Variants in CSMD1 observed in about 807,000 individuals in gnomAD.
CSMD1 encodes the protein CUB and sushi domain-containing protein 1.
In CSMD1, 213 loss-of-function variants were observed where a neutral mutation model predicts 417.5. The observed-to-expected ratio is 0.51, with a 90% confidence interval of 0.46 to 0.57. The LOEUF is 0.57. Ranked by LOEUF, CSMD1 falls within the 20% of genes least tolerant of loss-of-function variation. The pLI, the probability that CSMD1 is intolerant of heterozygous loss-of-function variation, is 0.00. For missense variants in CSMD1, 6,923 were observed against 4,529.7 expected (o/e 1.53, Z -15.17); for synonymous variants, 2,862 against 1,736.8 (o/e 1.65, Z -16.11).
At chr8:2,973,968 G>C (rs1336741704) in intron 56 of CSMD1, among the ~76,000 whole-genome samples, 2 of 141,354 alleles carry the variant, frequency 1.4e-5, no homozygotes, top group Non-Finnish European at 1.5e-5. Context: ...GATGGTAGAG[G>C]ATGGTGGTAG....
At chr8:4,220,619 A>G (rs757262668) in intron 3 of CSMD1, among the ~76,000 whole-genome samples, 1 of 152,346 alleles carries the variant, frequency 6.6e-6, no homozygotes, top group Non-Finnish European at 1.5e-5. Flanking sequence ...AGGAAGGACC[A>G]GTGGTATATT....
intron 5 of CSMD1, among the ~76,000 whole-genome samples, chr8:3,898,122 A>G (rs535807791): frequency 1.3e-5 from 2 of 152,346 alleles, no homozygotes; most frequent in African/African-American, 2.4e-5. Context: ...ACCATATAGC[A>G]GAGTTTCTAC....
intron 3 of CSMD1, among the ~76,000 whole-genome samples, chr8:4,042,061 G>C (rs1474113983): frequency 6.6e-6 from 1 of 152,120 alleles, no homozygotes; most frequent in Non-Finnish European, 1.5e-5. Context: ...ACACAAGTAT[G>C]TAATTAAACT....
At chr8:3,098,493 G>C (rs761090485) in intron 46 of CSMD1, among the ~76,000 whole-genome samples, 13 of 151,934 alleles carry the variant, frequency 8.6e-5, no homozygotes, top group Non-Finnish European at 1.9e-4. Flanking sequence ...ACATTTCATA[G>C]AACTCTTTAA....
Position 3,070,147 on chromosome 8 carries a change from C to G in CSMD1, c.7474+16950G>C, listed in dbSNP as rs73494484. 8.4e-3 allele frequency among the ~76,000 whole-genome samples: 1,273 copies of G among 152,328 alleles called. 16 individuals are homozygous for G. Among genetic ancestry groups the G allele is most frequent in the African/African-American group, 0.029 (1,199 of 41,586 alleles). Reference sequence around the variant, plus strand: ...AAAATCATCTTCTCCTCCCAGGATTCTAGGTCTCTGATGGGAGGGTCTGCC... The same window carrying G: ...AAAATCATCTTCTCCTCCCAGGATTGTAGGTCTCTGATGGGAGGGTCTGCC... On this transcript the variant is annotated intron_variant, in intron 49 of 69. Transcript: ENST00000635120.
intron 18 of CSMD1, among the ~76,000 whole-genome samples, chr8:3,384,213 GGTT>G: frequency 6.6e-6 from 1 of 151,706 alleles, no homozygotes; most frequent in South Asian, 2.1e-4. Flanking sequence ...TTTAAAAAAT[GGTT>G]GTCTGAGAGA....
intron 23 of CSMD1, among the ~76,000 whole-genome samples, chr8:3,312,188 T>C (rs1394803621): frequency 2.6e-5 from 4 of 152,232 alleles, no homozygotes; most frequent in African/African-American, 4.8e-5. Flanking sequence ...ATATGTTTTA[T>C]TGCTTTTTCT....
At chr8:3,527,329 G>A (rs764992256) in intron 10 of CSMD1, among the ~76,000 whole-genome samples, 7 of 152,072 alleles carry the variant, frequency 4.6e-5, no homozygotes, top group Non-Finnish European at 7.4e-5. Context: ...AAAGGCACTC[G>A]TGCCCTTTCA....
intron 3 of CSMD1, among the ~76,000 whole-genome samples, chr8:4,049,134 C>A (rs908673257): frequency 6.6e-6 from 1 of 152,016 alleles, no homozygotes; most frequent in African/African-American, 2.4e-5. Context: ...TACAGCTATT[C>A]TTTCTTATTC....
intron 3 of CSMD1, among the ~76,000 whole-genome samples, chr8:4,244,130 C>G (rs1369732501): frequency 6.6e-6 from 1 of 152,108 alleles, no homozygotes; most frequent in Non-Finnish European, 1.5e-5. Context: ...ATGAGTTTCG[C>G]GCAGCACAAG....
chr8:3,968,486 C>T (rs141243871), intron 5 of CSMD1, among the ~76,000 whole-genome samples: 78 of 152,280 alleles, frequency 5.1e-4, no homozygotes, highest in African/African-American at 1.9e-3. Context: ...TTAAGTACAT[C>T]TTCCGGATTC....
At chr8:4,903,964 A>G (rs552587283) in intron 1 of CSMD1, among the ~76,000 whole-genome samples, 3 of 152,322 alleles carry the variant, frequency 2.0e-5, no homozygotes, top group Admixed American at 2.0e-4. Flanking sequence ...ATTTAAATAA[A>G]TCTTCTCATA....
chr8:4,785,860 T>A (rs146734717), intron 1 of CSMD1, among the ~76,000 whole-genome samples: 1 of 152,232 alleles, frequency 6.6e-6, no homozygotes, highest in African/African-American at 2.4e-5. Context: ...TTCTTCATGA[T>A]CCTAAGACAC....
chr8:3,389,251 G>T (rs1026407751), intron 17 of CSMD1, among the ~76,000 whole-genome samples: 1 of 151,964 alleles, frequency 6.6e-6, no homozygotes, highest in African/African-American at 2.4e-5. Flanking sequence ...TGTTTTTCCC[G>T]ATCCTCTCCT....
At chr8:4,768,315 G>A (rs1472087263) in intron 1 of CSMD1, among the ~76,000 whole-genome samples, 3 of 151,564 alleles carry the variant, frequency 2.0e-5, no homozygotes, top group Non-Finnish European at 2.9e-5. Flanking sequence ...TCGTATACTC[G>A]CCTATGATCG....
chr8:4,095,124 G>T (rs10107190), intron 3 of CSMD1, among the ~76,000 whole-genome samples: 3 of 152,008 alleles, frequency 2.0e-5, no homozygotes, highest in Non-Finnish European at 4.4e-5. Context: ...GATATGGAAA[G>T]AACTTGGGAG....
At chr8:4,460,213 G>A (rs1799729408) in intron 2 of CSMD1, among the ~76,000 whole-genome samples, 3 of 151,940 alleles carry the variant, frequency 2.0e-5, no homozygotes, top group Non-Finnish European at 4.4e-5. Flanking sequence ...AATAGAATAC[G>A]TGGAAGTTAA....
chr8:3,076,565 G>A (rs370571599), intron 49 of CSMD1, among the ~76,000 whole-genome samples: 4 of 152,184 alleles, frequency 2.6e-5, no homozygotes, highest in African/African-American at 4.8e-5. Context: ...CTGCTATGCC[G>A]GAGATGCTCC....
intron 10 of CSMD1, 30 bp downstream of exon 10, chr8:3,574,915 T>A (rs770196122): frequency 1.2e-6 from 2 of 1,609,342 alleles, no homozygotes; most frequent in East Asian, 4.5e-5. Context: ...CTGTGTGCAT[T>A]AACCACAGGG....
Sources: allele counts gnomAD v4.1 joint callset (sites outside exome capture counted in the v4.1 genomes callset), GRCh38; gene constraint gnomAD v4.1.1; transcripts MANE v1.5; gene names NCBI Gene and HGNC (gene_info 2026-07-23, HGNC 2026-07-21).